Variants in NRXN3 observed in about 807,000 individuals in gnomAD.
NRXN3 encodes the protein neurexin 3.
Under a neutral mutation model 137.6 loss-of-function variants are expected in NRXN3, and 32 were observed. The ratio of observed to expected loss-of-function variants is 0.23; its 90% CI spans 0.18 to 0.31. The LOEUF is 0.31. Among genes scored for constraint, NRXN3 ranks in the 10% least tolerant of loss-of-function variants. The probability of loss-of-function intolerance (pLI) is 1.00; values close to 1 mark genes in which losing one functional copy is unlikely to be tolerated. For missense variants in NRXN3, 1,574 were observed against 2,062.5 expected (o/e 0.76, Z 4.59); for synonymous variants, 798 against 784.5 (o/e 1.02, Z -0.29).
chr14:78,426,172 A>G (rs66485366), intron 4 of NRXN3, among the ~76,000 whole-genome samples: 15,436 of 152,250 alleles, frequency 0.1, 1,052 homozygotes, highest in African/African-American at 0.17. Context: ...GGGAGAGGAC[A>G]CATCAAGGAA....
At chr14:78,977,226 G>C (rs763005415) in intron 14 of NRXN3, among the ~76,000 whole-genome samples, 20 of 152,176 alleles carry the variant, frequency 1.3e-4, no homozygotes, top group Non-Finnish European at 2.8e-4. Context: ...AGCAGAAAGA[G>C]TACATAGATG....
chr14:78,894,035 C>A (rs2099166684), intron 10 of NRXN3, among the ~76,000 whole-genome samples: 1 of 151,906 alleles, frequency 6.6e-6, no homozygotes, highest in Non-Finnish European at 1.5e-5. Flanking sequence ...AATCTTCTTA[C>A]TTGTGAAGGG....
chr14:79,043,573 A>G (rs949539955), intron 15 of NRXN3, among the ~76,000 whole-genome samples: 8 of 152,170 alleles, frequency 5.3e-5, no homozygotes, highest in Non-Finnish European at 8.8e-5. Flanking sequence ...ACAGAGATAC[A>G]GCAGTAGACT....
At chr14:79,681,922 A>G (rs1288208305) in intron 17 of NRXN3, among the ~76,000 whole-genome samples, 1 of 152,000 alleles carries the variant, frequency 6.6e-6, no homozygotes, top group African/African-American at 2.4e-5. Context: ...TGGCTTTTTG[A>G]AATTAATCTT....
At chr14:79,240,968 G>A (rs1479020581) in intron 15 of NRXN3, among the ~76,000 whole-genome samples, 1 of 151,966 alleles carries the variant, frequency 6.6e-6, no homozygotes, top group African/African-American at 2.4e-5. Context: ...GTTTGGGTGT[G>A]TATGTGTGTG....
chr14:78,257,850 G>T (rs886875841), intron 2 of NRXN3, among the ~76,000 whole-genome samples: 5 of 152,156 alleles, frequency 3.3e-5, no homozygotes, highest in Non-Finnish European at 1.5e-5. Context: ...TTTGTACAAT[G>T]GATTGATGAT....
intron 4 of NRXN3, among the ~76,000 whole-genome samples, chr14:78,346,952 T>C (rs547788326): frequency 6.6e-6 from 1 of 152,126 alleles, no homozygotes. Context: ...CAGCAAAGGG[T>C]GATGGATGGT....
intron 4 of NRXN3, among the ~76,000 whole-genome samples, chr14:78,508,015 G>C (rs879355130): frequency 4.6e-5 from 7 of 152,224 alleles, no homozygotes; most frequent in Non-Finnish European, 8.8e-5. Flanking sequence ...TGAGGGTAAT[G>C]GTATGGAAAT....
intron 4 of NRXN3, among the ~76,000 whole-genome samples, chr14:78,518,209 G>A (rs1313093133): frequency 1.3e-5 from 2 of 152,098 alleles, no homozygotes; most frequent in African/African-American, 4.8e-5. Flanking sequence ...TTAAAGTTCC[G>A]GTAGTATAGT....
chr14:78,405,423 G>A (rs543356513), intron 4 of NRXN3, among the ~76,000 whole-genome samples: 58 of 152,172 alleles, frequency 3.8e-4, no homozygotes, highest in African/African-American at 1.3e-3. Context: ...ACTGAATCAG[G>A]AAGATCATAT....
chr14:79,096,367 C>T (rs1232902712), intron 15 of NRXN3, among the ~76,000 whole-genome samples: 1 of 152,110 alleles, frequency 6.6e-6, no homozygotes, highest in Admixed American at 6.6e-5. Context: ...ACCTTGGCCT[C>T]CCAAAGTGCT....
At chr14:78,294,294 C>T (rs2076091733) in intron 3 of NRXN3, among the ~76,000 whole-genome samples, 1 of 152,128 alleles carries the variant, frequency 6.6e-6, no homozygotes, top group Admixed American at 6.5e-5. Flanking sequence ...GTGGCTTATG[C>T]CTGTAATCCC....
intron 15 of NRXN3, among the ~76,000 whole-genome samples, chr14:79,406,991 C>G (rs2095326522): frequency 6.6e-6 from 1 of 152,096 alleles, no homozygotes; most frequent in African/African-American, 2.4e-5. Context: ...ACAAAGGGAC[C>G]TCTATGGTCC....
At chr14:79,649,505 A>C (rs1646518008) in intron 16 of NRXN3, among the ~76,000 whole-genome samples, 1 of 152,172 alleles carries the variant, frequency 6.6e-6, no homozygotes, top group South Asian at 2.1e-4. Flanking sequence ...GAGTATAAGG[A>C]AGGCCCTTTG....
chr14:79,195,366 G>T (rs532281081), intron 15 of NRXN3, among the ~76,000 whole-genome samples: 1 of 152,302 alleles, frequency 6.6e-6, no homozygotes, highest in East Asian at 1.9e-4. Context: ...AAACCTGGAA[G>T]TACCTTTGCA....
At chr14:78,880,813 C>G (rs1449012182) in intron 10 of NRXN3, among the ~76,000 whole-genome samples, 4 of 152,110 alleles carry the variant, frequency 2.6e-5, no homozygotes, top group African/African-American at 9.7e-5. Flanking sequence ...TTAATCCTTT[C>G]AAGAACCTTT....
At chr14:78,205,941 A>G (rs1405717131) in intron 1 of NRXN3, among the ~76,000 whole-genome samples, 2 of 152,224 alleles carry the variant, frequency 1.3e-5, no homozygotes, top group Non-Finnish European at 2.9e-5. Flanking sequence ...TGATGGAGTT[A>G]AGTGGCAGTG....
chr14:79,847,164 T>C (rs1404671545), intron 20 of NRXN3, among the ~76,000 whole-genome samples: 1 of 152,198 alleles, frequency 6.6e-6, no homozygotes, highest in African/African-American at 2.4e-5. Flanking sequence ...CTTTGGAGTA[T>C]CTGACTCAGC....
intron 15 of NRXN3, among the ~76,000 whole-genome samples, chr14:79,413,646 G>T (rs932265565): frequency 3.3e-5 from 5 of 151,856 alleles, no homozygotes; most frequent in African/African-American, 1.2e-4. Flanking sequence ...TACATAGAGG[G>T]TACAACAGAT....
Sources: allele counts gnomAD v4.1 joint callset (sites outside exome capture counted in the v4.1 genomes callset), GRCh38; gene constraint gnomAD v4.1.1; transcripts MANE v1.5; gene names NCBI Gene and HGNC (gene_info 2026-07-23, HGNC 2026-07-21).